FOXP4: variants seen among roughly 807,000 people sequenced by gnomAD.
FOXP4 encodes forkhead box protein P4.
A neutral mutation model predicts 82.6 loss-of-function variants in FOXP4; 25 were observed. The observed-to-expected ratio is 0.30, with a 90% CI of 0.22 to 0.42. The LOEUF is 0.42. FOXP4 is among the 10% of genes least tolerant of loss of function. The probability of loss-of-function intolerance (pLI) is 1.00; values close to 1 mark genes in which losing one functional copy is unlikely to be tolerated. For missense variants in FOXP4, 785 were observed against 900.9 expected, an observed-to-expected ratio of 0.87 and a Z score of 1.65; for synonymous variants, 415 against 388.2, an observed-to-expected ratio of 1.07 and a Z score of -0.81.
chr6:41,570,520 T>A (rs899393552), intron 2 of FOXP4: 4 of 384,032 alleles, frequency 1.0e-5, no homozygotes, highest in Non-Finnish European at 2.2e-5. Flanking sequence ...CTGTTTCCTA[T>A]GTTGGAAAAT....
chr6:41,586,963 A>G, intron 5 of FOXP4, 46 bp from the exon 6 acceptor site: 1 of 1,536,078 alleles, frequency 6.5e-7, no homozygotes, highest in Non-Finnish European at 8.8e-7. Context: ...GCATGCCTGA[A>G]GCTGATGGCA....
chr6:41,554,297 A>T (rs918895089), intron 1 of FOXP4, among the ~76,000 whole-genome samples: 2 of 152,232 alleles, frequency 1.3e-5, no homozygotes, highest in Non-Finnish European at 2.9e-5. Flanking sequence ...ACCCACACAC[A>T]GTTCATTACA....
chr6:41,590,258 C>T lies in FOXP4; in HGVS notation c.1358-13C>T. The stretch of plus-strand genomic sequence containing the variant: ...CCATATCTGGCTACCTCATCCTCTG[C>T]CTGTCTCCCCAGAGCTGGCCCAGAA... On this transcript the variant is annotated splice_polypyrimidine_tract_variant and intron_variant, in intron 11 of 16. Coordinates refer to ENST00000307972, the MANE Select transcript of FOXP4 (RefSeq NM_001012426.2). The T allele has an allele frequency of 6.2e-7, 1 of 1,613,906 alleles. No homozygotes were observed. The highest frequency in any genetic ancestry group is 8.5e-7 in the Non-Finnish European group (1 of 1,179,946).
At position 41,569,780 on chromosome 6, in the gene FOXP4, C is replaced by T. The variant is rs190411542; in HGVS notation, c.204+3816C>T. Among the ~76,000 whole-genome samples the T allele has an allele frequency of 5.5e-4, 84 of 152,236 alleles. 1 individual carries two copies. In the East Asian group the frequency reaches 0.012, roughly 22 times the overall value. Reference sequence around the variant, plus strand: ...CGAGGGTCACGGGAGGGTTGCCTAGCGTCTGGGAACTCCCACTGCAGTTGC... The same window carrying T: ...CGAGGGTCACGGGAGGGTTGCCTAGTGTCTGGGAACTCCCACTGCAGTTGC... On this transcript the variant is annotated intron_variant, in intron 2 of 16. Coordinates refer to ENST00000307972, the MANE Select transcript of FOXP4 (RefSeq NM_001012426.2).
At chr6:41,562,456 C>T (rs1764639003) in intron 1 of FOXP4, among the ~76,000 whole-genome samples, 1 of 152,108 alleles carries the variant, frequency 6.6e-6, no homozygotes, top group Non-Finnish European at 1.5e-5. Context: ...CACATTGCAG[C>T]AATTATGTTG....
rs1425709199 is a variant in FOXP4, at chr6:41,593,117, G to T, written c.1537-1753G>T. On this transcript the variant is annotated intron_variant, in intron 13 of 16. Transcript: ENST00000307972. The surrounding 1 kb of genome is among the most constrained non-coding windows in gnomAD (Gnocchi z 4.1). ...ACCTTCTGGTTTTTTTCAGCCAAAT[G>T]CATTCATGTTACTTGGGAAATACAC... Among the ~76,000 whole-genome samples the T allele has an allele frequency of 6.6e-6, 1 of 151,934 alleles. No individual in the cohort carries two copies. The highest frequency in any genetic ancestry group is 6.6e-5 in the Admixed American group (1 of 15,254).
At position 41,594,976 on chromosome 6, in the gene FOXP4, C is replaced by G; in HGVS notation, c.1643C>G (p.Pro548Arg). 6.2e-7 allele frequency: 1 copy of G among 1,614,066 alleles called. No individual in the cohort carries two copies. The highest frequency in any genetic ancestry group is 8.5e-7 in the Non-Finnish European group (1 of 1,180,008). Residue 548 changes from proline (P) to arginine (R), a missense_variant, in exon 14 of 17, where the codon CCG becomes CGG. Pro to Arg is a moderately radical substitution (Grantham distance 103). This residue lies in a region of FOXP4 where 184 missense variants were observed against 187.3 expected (regional missense o/e 0.98). Transcript: ENST00000307972. ...VDEREYQKRR[P>R]PKMTGSPTLV... ...GAGCGGGAGTATCAGAAGCGGAGAC[C>G]GCCAAAGATGACAGGGTATGTGGGT...
chr6:41,550,993 C>T (rs1763965556), intron 1 of FOXP4, among the ~76,000 whole-genome samples: 1 of 152,202 alleles, frequency 6.6e-6, no homozygotes, highest in South Asian at 2.1e-4. Flanking sequence ...AAGGAAACTC[C>T]CCTTGAGCCT....
intron 2 of FOXP4, chr6:41,570,116 A>ACACACACACACACACACACACG: frequency 2.9e-6 from 1 of 347,468 alleles, no homozygotes; most frequent in Non-Finnish European, 5.7e-6. Flanking sequence ...ACACACACAC[A>ACACACACACACACACACACACG]CGCAGTCAAC....
chr6:41,583,376 A>G (rs1034947641), intron 3 of FOXP4, among the ~76,000 whole-genome samples: 1 of 151,146 alleles, frequency 6.6e-6, no homozygotes, highest in Non-Finnish European at 1.5e-5. Context: ...AAGAGATCCA[A>G]CTCCTCCTCC....
intron 2 of FOXP4, 43 bp downstream of exon 2, chr6:41,566,007 G>T: frequency 6.4e-7 from 1 of 1,570,244 alleles, no homozygotes; most frequent in Non-Finnish European, 8.7e-7. Flanking sequence ...GCGGGAGAGG[G>T]GCACTAGGCT....
chr6:41,560,896 T>C (rs1233411731), intron 1 of FOXP4, among the ~76,000 whole-genome samples: 2 of 152,118 alleles, frequency 1.3e-5, no homozygotes, highest in Non-Finnish European at 2.9e-5. Flanking sequence ...GCATGTGGGG[T>C]TCCCCTTCTC....
intron 1 of FOXP4, among the ~76,000 whole-genome samples, chr6:41,547,287 C>T (rs1036179833): frequency 9.2e-5 from 14 of 152,042 alleles, no homozygotes; most frequent in Admixed American, 2.6e-4. Flanking sequence ...ATGGGGTGTA[C>T]GGGGGCGCGA....
At chr6:41,579,746 CCTT>C (rs1295101212) in intron 3 of FOXP4, among the ~76,000 whole-genome samples, 4 of 152,208 alleles carry the variant, frequency 2.6e-5, no homozygotes, top group Admixed American at 1.3e-4. Context: ...CCTTCTCTCT[CCTT>C]GTCTCATTAC....
chr6:41,548,949 C>G (rs1374348764), intron 1 of FOXP4, among the ~76,000 whole-genome samples: 2 of 151,526 alleles, frequency 1.3e-5, no homozygotes, highest in Non-Finnish European at 2.9e-5. Context: ...CTTGTTGGCT[C>G]CCATGGTGCC....
chr6:41,591,349 G>T lies in FOXP4; in HGVS notation c.1536+27G>T. ...TGAAGCAGGCCCCTTCCACCTTCTGGGCCCCAGTCACCCTTGGACCTGCCA... is the reference window on the plus strand; with the variant it reads ...TGAAGCAGGCCCCTTCCACCTTCTGTGCCCCAGTCACCCTTGGACCTGCCA... On this transcript the variant is annotated intron_variant, in intron 13 of 16. Coordinates refer to ENST00000307972, the MANE Select transcript of FOXP4 (RefSeq NM_001012426.2). This position sits in a 1 kb window ranked among gnomAD's most constrained non-coding sequence, Gnocchi z 4.2. The T allele has an allele frequency of 6.4e-7, 1 of 1,554,828 alleles. No individual in the cohort carries two copies. The highest frequency in any genetic ancestry group is 1.2e-5 in the South Asian group (1 of 85,728).
chr6:41,587,950 C>G (rs564553855), intron 8 of FOXP4, 53 bp downstream of exon 8: 1 of 958,588 alleles, frequency 1.0e-6, no homozygotes, highest in Non-Finnish European at 1.6e-6. Flanking sequence ...CAGGGCCTCT[C>G]CCCCAACCCT....
intron 16 of FOXP4, among the ~76,000 whole-genome samples, chr6:41,598,211 CTT>C (rs1766986786): frequency 6.8e-6 from 1 of 147,684 alleles, no homozygotes; most frequent in South Asian, 2.2e-4. Flanking sequence ...CTCCTCCTCT[CTT>C]CTCTTTTTTT....
Position 41,584,758 on chromosome 6 carries a change from G to A in FOXP4, c.301-11G>A, listed in dbSNP as rs748394843. 7.6e-6 allele frequency: 12 copies of A among 1,576,778 alleles called. No homozygotes were observed. In the South Asian group the frequency reaches 8.1e-5, roughly 11 times the overall value. On this transcript the variant is annotated splice_polypyrimidine_tract_variant and intron_variant, in intron 3 of 16. Transcript: ENST00000307972. ...GTCCAGGGGACAGGGCTAACGGGCC[G>A]AATCCTGCAGGTGCCTGTGTCGGTG...
Sources: gnomAD v4.1 joint callset for allele counts (sites outside exome capture counted in the v4.1 genomes callset) on GRCh38, gnomAD v4.1.1 for gene constraint, gnomAD v4.1.1 regional missense constraint, Gnocchi (gnomAD v3.1) non-coding constraint, MANE v1.5 for transcripts, NCBI Gene and HGNC (gene_info 2026-07-23, HGNC 2026-07-21) for gene names.